FXR1: variants seen among roughly 807,000 people sequenced by gnomAD.
The protein encoded by FXR1 is FMR1 autosomal homolog 1, also known as RNA-binding protein FXR1.
Under a neutral mutation model 84.0 loss-of-function variants are expected in FXR1, and 15 were observed. That is an observed-to-expected ratio of 0.18 (90% confidence interval 0.12 to 0.27). FXR1 has a LOEUF of 0.27. Ranked by LOEUF, FXR1 falls within the 10% of genes least tolerant of loss-of-function variation. The pLI is 1.00. For missense variants in FXR1, 480 were observed against 774.4 expected, an observed-to-expected ratio of 0.62 and a Z score of 4.51; for synonymous variants, 245 against 250.7, an observed-to-expected ratio of 0.98 and a Z score of 0.21.
rs764031686 is a variant in FXR1 at position 180,981,741 on chromosome 3, CT to C, written c.*5453del. 17 of 152,020 alleles carry C rather than the reference CT, an allele frequency of 1.1e-4. No homozygotes were observed. The highest frequency in any genetic ancestry group is 1.8e-4 in the Non-Finnish European group (12 of 67,932). The allele number at this position is 152,020 out of a possible 1,614,324, so 9.4% of individuals were successfully genotyped here. A position where few individuals can be genotyped will look rare whatever the true frequency, so the allele number is the denominator to read the frequency against. On this transcript the variant is annotated 3_prime_UTR_variant, in exon 17 of 17. Coordinates refer to ENST00000357559, the MANE Select transcript of FXR1 (RefSeq NM_005087.4). Reference sequence around the variant, plus strand: ...TAGAAAAAAGACCATTTGCTCTGGACTTTTGTTTCCCAAGCCATAAAATGTG... The same window carrying C: ...TAGAAAAAAGACCATTTGCTCTGGACTTTGTTTCCCAAGCCATAAAATGTG...
At chr3:180,921,302 G>T (rs1376601108) in intron 1 of FXR1, among the ~76,000 whole-genome samples, 3 of 151,448 alleles carry the variant, frequency 2.0e-5, no homozygotes, top group Admixed American at 1.3e-4. Flanking sequence ...CAGGGTGGGG[G>T]TGTGTGTGGA....
At chr3:180,924,266 TATCTG>T (rs1322451824) in intron 1 of FXR1, among the ~76,000 whole-genome samples, 1 of 152,102 alleles carries the variant, frequency 6.6e-6, no homozygotes, top group Non-Finnish European at 1.5e-5. Flanking sequence ...CCGAGTTTCT[TATCTG>T]AACTATAAAG....
At chr3:180,962,521 C>A (rs1034243815) in intron 11 of FXR1, among the ~76,000 whole-genome samples, 1 of 152,234 alleles carries the variant, frequency 6.6e-6, no homozygotes, top group African/African-American at 2.4e-5. Context: ...CTACCTGTAT[C>A]TCATTCAGCA....
At chr3:180,944,686 C>G (rs976289039) in intron 3 of FXR1, among the ~76,000 whole-genome samples, 1 of 152,042 alleles carries the variant, frequency 6.6e-6, no homozygotes, top group Middle Eastern at 3.4e-3. Context: ...GAAGCAAACA[C>G]AACTCACTGC....
chr3:180,933,466 C>A, intron 2 of FXR1, 80 bp downstream of exon 2: 1 of 773,882 alleles, frequency 1.3e-6, no homozygotes, highest in Non-Finnish European at 2.3e-6. Flanking sequence ...TTCCTACTGC[C>A]AGTGGAAAAA....
chr3:180,919,557 T>C (rs1718322070), intron 1 of FXR1, among the ~76,000 whole-genome samples: 1 of 152,116 alleles, frequency 6.6e-6, no homozygotes, highest in African/African-American at 2.4e-5. Flanking sequence ...GTGCTGGGAT[T>C]ACAGGCGTGA....
At chr3:180,949,631 G>A (rs1473925220) in intron 7 of FXR1, among the ~76,000 whole-genome samples, 2 of 152,134 alleles carry the variant, frequency 1.3e-5, no homozygotes, top group Non-Finnish European at 2.9e-5. Flanking sequence ...GTGATTGCCC[G>A]CCTCAGCCTC....
At chr3:180,974,251 C>T (rs1045820176) in intron 15 of FXR1, among the ~76,000 whole-genome samples, 8 of 151,882 alleles carry the variant, frequency 5.3e-5, no homozygotes, top group East Asian at 1.9e-4. Flanking sequence ...CTCCACCTCC[C>T]GGGTTCAAGC....
intron 8 of FXR1, among the ~76,000 whole-genome samples, chr3:180,952,477 A>C (rs1359278140): frequency 6.6e-6 from 1 of 152,062 alleles, no homozygotes; most frequent in Non-Finnish European, 1.5e-5. Flanking sequence ...AGATCACTTG[A>C]GTCCAGGAAT....
At position 180,977,600 on chromosome 3, in the gene FXR1, T is replaced by G. The variant is rs989906433; in HGVS notation, c.*1308T>G. The G allele has an allele frequency of 6.6e-6, 1 of 152,134 alleles. No homozygotes were observed. Among genetic ancestry groups the G allele is most frequent in the South Asian group, 2.1e-4 (1 of 4,828 alleles). The allele number at this position is 152,134 out of a possible 1,614,324, so 9.4% of individuals were successfully genotyped here. A position where few individuals can be genotyped will look rare whatever the true frequency, so the allele number is the denominator to read the frequency against. The stretch of plus-strand genomic sequence containing the variant: ...CTTAATTTTTATGAAGATAAAGACA[T>G]GAAGTTTAACAATGGACAACAGTTA... On this transcript the variant is annotated 3_prime_UTR_variant, in exon 17 of 17. Coordinates refer to ENST00000357559, the MANE Select transcript of FXR1 (RefSeq NM_005087.4).
intron 1 of FXR1, chr3:180,933,121 T>C (rs949320472): frequency 1.0e-5 from 5 of 500,100 alleles, no homozygotes; most frequent in African/African-American, 2.0e-5. Flanking sequence ...CCCAGGTAGA[T>C]GACACCGGGT....
At chr3:180,917,947 CA>C (rs757826092) in intron 1 of FXR1, among the ~76,000 whole-genome samples, 824 of 60,984 alleles carry the variant, frequency 0.014, 2 homozygotes, top group African/African-American at 0.037. Flanking sequence ...ACTCTGTCTC[CA>C]AAAAAAAAAA....
Position 180,961,339 on chromosome 3 carries a change from CAAAAAAAAAAAA to C in FXR1, c.991-112_991-101del, listed in dbSNP as rs34386869. 5.2e-5 allele frequency: 15 copies of C among 291,134 alleles called. No homozygotes were observed. The African/African-American group carries it at 7.8e-4, about 15-fold the overall frequency. 18.0% of individuals were successfully genotyped at this position (291,134 alleles called of 1,614,324 possible). A position where few individuals can be genotyped will look rare whatever the true frequency, so the allele number is the denominator to read the frequency against. On this transcript the variant is annotated intron_variant, in intron 10 of 16. Transcript: ENST00000357559. ...TGGGCAACAGAGCAAGACGTCATCTCAAAAAAAAAAAAAAAAAAAAAAAAAAAAGGTGTGTGT... is the reference window on the plus strand; with the variant it reads ...TGGGCAACAGAGCAAGACGTCATCTCAAAAAAAAAAAAAAAAGGTGTGTGT...
intron 1 of FXR1, among the ~76,000 whole-genome samples, chr3:180,929,242 CT>C (rs1169007102): frequency 6.6e-6 from 1 of 152,050 alleles, no homozygotes; most frequent in Non-Finnish European, 1.5e-5. Context: ...TACATGATGC[CT>C]GTTTGTTTTG....
intron 13 of FXR1, among the ~76,000 whole-genome samples, chr3:180,966,225 C>A (rs1379268528): frequency 1.3e-4 from 19 of 151,960 alleles, no homozygotes; most frequent in Admixed American, 1.2e-3. Context: ...ATTCTAATCC[C>A]AACAAAGAAT....
chr3:180,980,851 A>G lies in FXR1; in HGVS notation c.*4559A>G, dbSNP rs538710950. 1.3e-5 allele frequency: 2 copies of G among 152,170 alleles called. No individual in the cohort carries two copies. Among genetic ancestry groups the G allele is most frequent in the East Asian group, 3.9e-4 (2 of 5,178 alleles). 9.4% of individuals were successfully genotyped at this position (152,170 alleles called of 1,614,324 possible). On this transcript the variant is annotated 3_prime_UTR_variant, in exon 17 of 17. Coordinates refer to ENST00000357559, the MANE Select transcript of FXR1 (RefSeq NM_005087.4). ...CTAAAACCAGAGCTTAGGTCATTCA[A>G]GTTAACTGGTACTCAAGGTTACTCA... is the stretch of plus-strand genomic sequence containing the variant.
chr3:180,935,671 A>G (rs1720440373), intron 3 of FXR1, among the ~76,000 whole-genome samples: 1 of 152,234 alleles, frequency 6.6e-6, no homozygotes, highest in Admixed American at 6.5e-5. Flanking sequence ...TATTGTAACT[A>G]GCTTTCTGCC....
At chr3:180,916,341 T>C (rs1033727717) in intron 1 of FXR1, among the ~76,000 whole-genome samples, 1 of 152,224 alleles carries the variant, frequency 6.6e-6, no homozygotes, top group African/African-American at 2.4e-5. Context: ...AAATATATAT[T>C]AGTCTTTGTA....
At chr3:180,971,712 A>C (rs915706474) in intron 15 of FXR1, 1 of 148,720 alleles carries the variant, frequency 6.7e-6, no homozygotes, top group Non-Finnish European at 1.5e-5. Context: ...CTAACTATTC[A>C]AATTAATAAT....
Sources: allele counts gnomAD v4.1 joint callset (sites outside exome capture counted in the v4.1 genomes callset), GRCh38; gene constraint gnomAD v4.1.1; transcripts MANE v1.5; gene names NCBI Gene and HGNC (gene_info 2026-07-23, HGNC 2026-07-21).